CDH1: variants seen among roughly 807,000 people sequenced by gnomAD.
CDH1 encodes cadherin 1.
CDH1 carries 35 observed loss-of-function variants against 84.5 expected under a neutral mutation model. That is an observed-to-expected ratio of 0.41 (90% CI 0.32 to 0.55). The LOEUF (loss-of-function observed/expected upper bound fraction) is 0.55. CDH1 is among the 20% of genes least tolerant of loss of function. The probability of loss-of-function intolerance (pLI) is 0.19; values close to 1 mark genes in which losing one functional copy is unlikely to be tolerated. For synonymous variants in CDH1, 417 were observed against 439.0 expected (o/e 0.95, Z 0.63); for missense variants, 994 against 1,126.6 (o/e 0.88, Z 1.68).
At chr16:68,741,041 G>A (rs1284597246) in intron 2 of CDH1, among the ~76,000 whole-genome samples, 1 of 151,784 alleles carries the variant, frequency 6.6e-6, no homozygotes, top group Admixed American at 6.6e-5. Context: ...CCTCCGAGAG[G>A]GGGTGGTGAT....
At chr16:68,786,534 C>CTTTGTTTTT (rs1960052493) in intron 2 of CDH1, among the ~76,000 whole-genome samples, 1 of 73,914 alleles carries the variant, frequency 1.4e-5, no homozygotes, top group Non-Finnish European at 2.3e-5. Context: ...TTTTTTTTTT[C>CTTTGTTTTT]TTTTTTTTTT....
chr16:68,740,422 A>T (rs138710029), intron 2 of CDH1, among the ~76,000 whole-genome samples: 96 of 151,926 alleles, frequency 6.3e-4, no homozygotes, highest in Non-Finnish European at 1.1e-3. Flanking sequence ...CAAGTGATTC[A>T]CCCGCCTTGG....
intron 2 of CDH1, among the ~76,000 whole-genome samples, chr16:68,790,706 CTCT>C (rs1390917041): frequency 6.6e-6 from 1 of 152,154 alleles, no homozygotes; most frequent in East Asian, 1.9e-4. Context: ...TTTTTCTCCC[CTCT>C]TCTTGAAAAC....
intron 12 of CDH1, 30 bp from the exon 13 acceptor site, chr16:68,823,369 C>T (rs1461137722): frequency 1.4e-6 from 2 of 1,472,664 alleles, no homozygotes; most frequent in Admixed American, 3.3e-5. Flanking sequence ...CTCCCCTGGT[C>T]TCATCATTTC....
chr16:68,825,828 T>TTTA (rs1555517411), intron 13 of CDH1, among the ~76,000 whole-genome samples: 2 of 143,958 alleles, frequency 1.4e-5, no homozygotes, highest in Admixed American at 1.5e-4. Flanking sequence ...TTTTTTTTTT[T>TTTA]AGGCAAGTTC....
At chr16:68,786,447 C>T (rs1960047119) in intron 2 of CDH1, among the ~76,000 whole-genome samples, 2 of 151,110 alleles carry the variant, frequency 1.3e-5, no homozygotes, top group South Asian at 2.1e-4. Context: ...GCGGGGATTA[C>T]AGGGTTGAGC....
chr16:68,780,800 G>A (rs1959854095), intron 2 of CDH1, among the ~76,000 whole-genome samples: 2 of 152,292 alleles, frequency 1.3e-5, no homozygotes, highest in South Asian at 2.1e-4. Context: ...AGCAGAGCAA[G>A]TGACATGAGG....
chr16:68,755,353 A>G (rs1434743089), intron 2 of CDH1, among the ~76,000 whole-genome samples: 1 of 151,134 alleles, frequency 6.6e-6, no homozygotes, highest in Non-Finnish European at 1.5e-5. Flanking sequence ...ATTCAAGTCT[A>G]TATTCATGTC....
chr16:68,820,005 C>T (rs537733461), intron 11 of CDH1, among the ~76,000 whole-genome samples: 1 of 152,100 alleles, frequency 6.6e-6, no homozygotes, highest in Admixed American at 6.5e-5. Context: ...TCAAGACCAG[C>T]CTGGGTAACA....
At chr16:68,779,289 C>G (rs1312702480) in intron 2 of CDH1, among the ~76,000 whole-genome samples, 1 of 152,222 alleles carries the variant, frequency 6.6e-6, no homozygotes, top group African/African-American at 2.4e-5. Flanking sequence ...CTCTCTCTGC[C>G]TCTTTACTCC....
At chr16:68,793,383 G>A (rs1048635171) in intron 2 of CDH1, among the ~76,000 whole-genome samples, 5 of 152,076 alleles carry the variant, frequency 3.3e-5, no homozygotes, top group East Asian at 1.9e-4. Context: ...TGCTTTTGCC[G>A]TTATTCTCAT....
intron 11 of CDH1, among the ~76,000 whole-genome samples, chr16:68,820,307 C>A (rs1434915266): frequency 6.6e-6 from 1 of 152,032 alleles, no homozygotes; most frequent in Non-Finnish European, 1.5e-5. Flanking sequence ...GTTTACAATC[C>A]ATTTCCAAAG....
intron 2 of CDH1, among the ~76,000 whole-genome samples, chr16:68,751,118 ATCAG>A (rs1208030636): frequency 6.6e-6 from 1 of 152,070 alleles, no homozygotes; most frequent in African/African-American, 2.4e-5. Context: ...TTCTCCATCC[ATCAG>A]TCAGAGTTGA....
At chr16:68,826,695 G>A (rs948063211) in intron 13 of CDH1, 13 of 152,296 alleles carry the variant, frequency 8.5e-5, no homozygotes, top group Admixed American at 7.8e-4. Flanking sequence ...TTTTCTCAGA[G>A]CCTGCGGATA....
chr16:68,745,903 C>G (rs1008380270), intron 2 of CDH1, among the ~76,000 whole-genome samples: 1 of 152,118 alleles, frequency 6.6e-6, no homozygotes, highest in Non-Finnish European at 1.5e-5. Flanking sequence ...CTGCAACCTC[C>G]GCCTCCTGGC....
chr16:68,801,952 T>C, intron 3 of CDH1, 59 bp downstream of exon 3: 1 of 1,384,322 alleles, frequency 7.2e-7, no homozygotes, highest in Non-Finnish European at 1.0e-6. Context: ...CTAATCCAGG[T>C]TTCTCAGCCT....
At chr16:68,742,066 A>G (rs563046386) in intron 2 of CDH1, among the ~76,000 whole-genome samples, 39 of 152,258 alleles carry the variant, frequency 2.6e-4, no homozygotes, top group Admixed American at 5.2e-4. Context: ...GGGATCTCTG[A>G]AGTATTAGCC....
intron 15 of CDH1, among the ~76,000 whole-genome samples, chr16:68,831,054 G>GTTTGCTTTA (rs1021392001): frequency 7.6e-6 from 1 of 130,982 alleles, no homozygotes; most frequent in Non-Finnish European, 1.6e-5. Flanking sequence ...TGAGGTCTGT[G>GTTTGCTTTA]TTTGCTTTAG....
intron 2 of CDH1, among the ~76,000 whole-genome samples, chr16:68,794,038 T>C (rs1375293690): frequency 6.6e-6 from 1 of 152,098 alleles, no homozygotes; most frequent in Non-Finnish European, 1.5e-5. Flanking sequence ...GTTTTGTTTT[T>C]GTTTTTGTTT....
Sources: gnomAD v4.1 joint callset for allele counts (sites outside exome capture counted in the v4.1 genomes callset) on GRCh38, gnomAD v4.1.1 for gene constraint, MANE v1.5 for transcripts, NCBI Gene and HGNC (gene_info 2026-07-23, HGNC 2026-07-21) for gene names.